The following ZRANB3 variants were observed in gnomAD, a reference collection of about 807,000 sequenced individuals.
The protein encoded by ZRANB3 is zinc finger RANBP2-type containing 3.
A neutral mutation model predicts 133.8 loss-of-function variants in ZRANB3; 125 were observed. That is an observed-to-expected ratio of 0.93 (90% CI 0.81 to 1.08). The LOEUF is 1.08. ZRANB3 is among the 50% of genes least tolerant of loss of function. ZRANB3 has a pLI of 0.00. For missense variants in ZRANB3, 1,229 were observed against 1,275.5 expected (o/e 0.96, Z 0.56); for synonymous variants, 387 against 432.7 (o/e 0.89, Z 1.31).
At chr2:135,213,080 A>G (rs1197728600) in intron 17 of ZRANB3, among the ~76,000 whole-genome samples, 2 of 151,398 alleles carry the variant, frequency 1.3e-5, no homozygotes, top group Non-Finnish European at 2.9e-5. Context: ...ACCTTTATCA[A>G]TGTTTCTGGG....
In ZRANB3 at chr2:135,205,237, G is replaced by A. The variant is rs531028353; in HGVS notation, c.3009+2197C>T. 6.6e-5 allele frequency among the ~76,000 whole-genome samples: 10 copies of A among 152,284 alleles called. No homozygotes were observed. The South Asian group carries it at 2.1e-3, about 32-fold the overall frequency. On this transcript the variant is annotated intron_variant, in intron 19 of 20. Coordinates refer to ENST00000264159, the MANE Select transcript of ZRANB3 (RefSeq NM_032143.4). The stretch of plus-strand genomic sequence containing the variant: ...ATATTTTAGTGGGCACACAGTGGCT[G>A]AGGGGTGATTCTTTTTAAATTAAGC...
chr2:135,495,844 A>T (rs978207305), intron 2 of ZRANB3, among the ~76,000 whole-genome samples: 2 of 152,170 alleles, frequency 1.3e-5, no homozygotes, highest in Non-Finnish European at 2.9e-5. Context: ...GAATCTACAA[A>T]ACTGTGCACC....
At chr2:135,372,295 G>A (rs1363879031) in intron 3 of ZRANB3, among the ~76,000 whole-genome samples, 1 of 152,106 alleles carries the variant, frequency 6.6e-6, no homozygotes, top group Non-Finnish European at 1.5e-5. Flanking sequence ...TTGGCGCCTT[G>A]ATCTTAGACT....
intron 2 of ZRANB3, among the ~76,000 whole-genome samples, chr2:135,495,047 C>T (rs1692601601): frequency 1.3e-5 from 2 of 152,094 alleles, no homozygotes; most frequent in African/African-American, 4.8e-5. Flanking sequence ...GCAGCCTGTA[C>T]AACATAGCAG....
At chr2:135,230,459 T>C in intron 13 of ZRANB3, 54 bp downstream of exon 13, 1 of 1,428,234 alleles carries the variant, frequency 7.0e-7, no homozygotes, top group Non-Finnish European at 9.2e-7. Flanking sequence ...GCACAGGTTA[T>C]CTGAAGACAC....
intron 2 of ZRANB3, among the ~76,000 whole-genome samples, chr2:135,432,213 G>A (rs1473736530): frequency 6.6e-6 from 1 of 152,094 alleles, no homozygotes; most frequent in African/African-American, 2.4e-5. Context: ...TTGCGCCATT[G>A]AACTCCAGCC....
chr2:135,470,454 G>A (rs1691206432), intron 2 of ZRANB3, among the ~76,000 whole-genome samples: 1 of 152,146 alleles, frequency 6.6e-6, no homozygotes, highest in African/African-American at 2.4e-5. Context: ...GGGAGGCCGA[G>A]GCAGGTGGAT....
At chr2:135,529,387 C>T (rs1694301094) in intron 1 of ZRANB3, among the ~76,000 whole-genome samples, 2 of 152,150 alleles carry the variant, frequency 1.3e-5, no homozygotes, top group African/African-American at 4.8e-5. Flanking sequence ...CAGGGCCTTA[C>T]GTGCTAAGAT....
At position 135,221,492 on chromosome 2, in the gene ZRANB3, G is replaced by T. The variant is rs367854312; in HGVS notation, c.2251-2314C>A. Among the ~76,000 whole-genome samples the T allele has an allele frequency of 4.6e-5, 7 of 152,162 alleles. No homozygotes were observed. In the East Asian group the frequency reaches 9.7e-4, roughly 21 times the overall value. On this transcript the variant is annotated intron_variant, in intron 15 of 20. Coordinates refer to ENST00000264159, the MANE Select transcript of ZRANB3 (RefSeq NM_032143.4). ...GTTCTCTCCGTCTCCACCCCAACGG[G>T]GATAAAACATTGATCAGGTAATCCA...
chr2:135,485,144 CAAACAAAACAAAACAAAACAAAACA>C (rs377465491), intron 2 of ZRANB3, among the ~76,000 whole-genome samples: 1 of 148,742 alleles, frequency 6.7e-6, no homozygotes, highest in Non-Finnish European at 1.5e-5. Flanking sequence ...CAAAACAAAA[CAAACAAAACAAAACAAAACAAAACA>C]AAACAAAACA....
intron 2 of ZRANB3, among the ~76,000 whole-genome samples, chr2:135,452,120 C>T (rs1480735976): frequency 6.6e-6 from 1 of 152,044 alleles, no homozygotes; most frequent in Non-Finnish European, 1.5e-5. Flanking sequence ...GCTGGGGAGG[C>T]AAAAGGCACT....
chr2:135,397,696 T>C (rs910935089), intron 2 of ZRANB3, among the ~76,000 whole-genome samples: 4 of 152,194 alleles, frequency 2.6e-5, no homozygotes, highest in African/African-American at 7.2e-5. Context: ...ATTGTTTCCA[T>C]TGGTAACTGT....
intron 8 of ZRANB3, among the ~76,000 whole-genome samples, chr2:135,305,018 C>CCAGG (rs763766269): frequency 1.3e-5 from 2 of 152,008 alleles, no homozygotes; most frequent in South Asian, 2.1e-4. Flanking sequence ...ACTATGTCGC[C>CCAGG]CAGGCTGGAA....
chr2:135,348,715 C>T (rs563737983), intron 5 of ZRANB3, among the ~76,000 whole-genome samples: 1 of 152,276 alleles, frequency 6.6e-6, no homozygotes, highest in Non-Finnish European at 1.5e-5. Context: ...CTGCCTCAGC[C>T]TCCCGGGTAG....
intron 6 of ZRANB3, among the ~76,000 whole-genome samples, chr2:135,322,946 G>A (rs1169706254): frequency 6.6e-6 from 1 of 152,020 alleles, no homozygotes; most frequent in Non-Finnish European, 1.5e-5. Context: ...GAACCTGGGA[G>A]GCACAGGTTG....
intron 2 of ZRANB3, among the ~76,000 whole-genome samples, chr2:135,412,766 T>C (rs1209664602): frequency 6.6e-6 from 1 of 152,126 alleles, no homozygotes; most frequent in Non-Finnish European, 1.5e-5. Context: ...GTTTTGTTCT[T>C]CATTAGTGAA....
At chr2:135,419,919 G>A (rs1688760187) in intron 2 of ZRANB3, among the ~76,000 whole-genome samples, 1 of 151,246 alleles carries the variant, frequency 6.6e-6, no homozygotes, top group Non-Finnish European at 1.5e-5. Flanking sequence ...GGCTCTGTTT[G>A]TTAGGTTTTG....
intron 3 of ZRANB3, among the ~76,000 whole-genome samples, chr2:135,353,940 G>A (rs1685320775): frequency 6.6e-6 from 1 of 152,098 alleles, no homozygotes; most frequent in African/African-American, 2.4e-5. Flanking sequence ...GGAAGTTGAC[G>A]CTACAGTGAG....
chr2:135,479,347 C>T (rs1375522419), intron 2 of ZRANB3, among the ~76,000 whole-genome samples: 1 of 152,096 alleles, frequency 6.6e-6, no homozygotes, highest in East Asian at 1.9e-4. Context: ...AAAAAGTACA[C>T]CTATTGGCCA....
Sources: allele counts gnomAD v4.1 joint callset (sites outside exome capture counted in the v4.1 genomes callset), GRCh38; gene constraint gnomAD v4.1.1; transcripts MANE v1.5; gene names NCBI Gene and HGNC (gene_info 2026-07-23, HGNC 2026-07-21).